The following SH3RF1 variants were observed in gnomAD, a reference collection of about 807,000 sequenced individuals.
The protein encoded by SH3RF1 is SH3 domain containing ring finger 1.
In SH3RF1, 32 loss-of-function variants were observed where a neutral mutation model predicts 74.0. The ratio of observed to expected loss-of-function variants is 0.43; its 90% CI spans 0.33 to 0.58. SH3RF1 has a LOEUF of 0.58. Among genes scored for constraint, SH3RF1 ranks in the 20% least tolerant of loss-of-function variants. The pLI, the probability that SH3RF1 is intolerant of heterozygous loss-of-function variation, is 0.05. For synonymous variants in SH3RF1, 396 were observed against 439.6 expected (o/e 0.90, Z 1.24); for missense variants, 954 against 1,130.9 (o/e 0.84, Z 2.24).
intron 2 of SH3RF1, among the ~76,000 whole-genome samples, chr4:169,253,997 T>G (rs1731145654): frequency 6.6e-6 from 1 of 152,246 alleles, no homozygotes. Flanking sequence ...TCAAGGGCCA[T>G]TCTCAAGAGA....
chr4:169,192,393 C>T lies in SH3RF1; in HGVS notation c.394-35714G>A, dbSNP rs1409425614. Among the ~76,000 whole-genome samples, 3 of 151,920 alleles carry T rather than the reference C, an allele frequency of 2.0e-5. No homozygotes were observed. The East Asian group carries it at 5.8e-4, about 29-fold the overall frequency. ...ACAAACATATGAAAAAAATGCTGAA[C>T]ATCACTAATGATCAGGGAAATGCAA... On this transcript the variant is annotated intron_variant, in intron 2 of 11. Coordinates refer to ENST00000284637, the MANE Select transcript of SH3RF1 (RefSeq NM_020870.4).
At chr4:169,135,252 C>T (rs1464681772) in intron 5 of SH3RF1, among the ~76,000 whole-genome samples, 1 of 152,136 alleles carries the variant, frequency 6.6e-6, no homozygotes, top group African/African-American at 2.4e-5. Context: ...CATTTTCATT[C>T]TGTGGTCCAA....
intron 2 of SH3RF1, among the ~76,000 whole-genome samples, chr4:169,191,251 C>A (rs1734702112): frequency 6.6e-6 from 1 of 150,812 alleles, no homozygotes; most frequent in Non-Finnish European, 1.5e-5. Context: ...CCAACAGCGA[C>A]CCAGCTGATA....
At chr4:169,117,387 G>T in intron 9 of SH3RF1, 136 bp downstream of exon 9, 2 of 1,255,396 alleles carry the variant, frequency 1.6e-6, no homozygotes, top group Non-Finnish European at 2.2e-6. Context: ...GATACAAGGT[G>T]CCACTGAGTA....
rs77454966 is a variant in SH3RF1, at chr4:169,098,388, C to G, written c.2499-1701G>C. Among the ~76,000 whole-genome samples, 1,222 of 152,316 alleles carry G rather than the reference C, an allele frequency of 8.0e-3. 10 individuals carry two copies. The highest frequency in any genetic ancestry group is 0.024 in the Middle Eastern group (7 of 294). The stretch of plus-strand genomic sequence containing the variant: ...GATAGGCAGAACAAATTCTATACAA[C>G]TGTCCCCAAACTTCTGAAACCTATT... On this transcript the variant is annotated intron_variant, in intron 11 of 11. Transcript: ENST00000284637.
chr4:169,247,031 G>A (rs1731005261), intron 2 of SH3RF1, among the ~76,000 whole-genome samples: 1 of 152,186 alleles, frequency 6.6e-6, no homozygotes. Flanking sequence ...TCCACTGATT[G>A]TTCTACCATA....
intron 4 of SH3RF1, among the ~76,000 whole-genome samples, chr4:169,145,836 TG>T (rs1733870454): frequency 7.5e-6 from 1 of 132,514 alleles, no homozygotes; most frequent in African/African-American, 3.0e-5. Flanking sequence ...ATATAAAATA[TG>T]TATTCTATAT....
intron 2 of SH3RF1, among the ~76,000 whole-genome samples, chr4:169,211,147 A>G (rs2126995902): frequency 6.6e-6 from 1 of 152,306 alleles, no homozygotes; most frequent in South Asian, 2.1e-4. Context: ...ACCTTTGGTG[A>G]GCAGGATTTA....
chr4:169,100,493 C>T (rs1020611435), intron 11 of SH3RF1, among the ~76,000 whole-genome samples: 2 of 152,146 alleles, frequency 1.3e-5, no homozygotes, highest in Admixed American at 1.3e-4. Flanking sequence ...AGGTGTGTGC[C>T]ATCATGCCCG....
At chr4:169,151,448 T>C (rs1461590708) in intron 4 of SH3RF1, among the ~76,000 whole-genome samples, 1 of 152,118 alleles carries the variant, frequency 6.6e-6, no homozygotes, top group African/African-American at 2.4e-5. Flanking sequence ...CTTAGATAAT[T>C]AGTAGTAGAG....
chr4:169,097,005 G>A lies in SH3RF1; in HGVS notation c.2499-318C>T, dbSNP rs116604760. On this transcript the variant is annotated intron_variant, in intron 11 of 11. Coordinates refer to ENST00000284637, the MANE Select transcript of SH3RF1 (RefSeq NM_020870.4). ...AAAGGAGAGTTTCATTTCATTTCCCGAGAGGGGTATCATTTCTATCCCTCC... is the reference window on the plus strand; with the variant it reads ...AAAGGAGAGTTTCATTTCATTTCCCAAGAGGGGTATCATTTCTATCCCTCC... 9.3e-3 allele frequency among the ~76,000 whole-genome samples: 1,410 copies of A among 152,210 alleles called. 30 individuals are homozygous for A. Among genetic ancestry groups the A allele is most frequent in the African/African-American group, 0.032 (1,349 of 41,528 alleles).
At chr4:169,134,175 A>T (rs1733661628) in intron 5 of SH3RF1, among the ~76,000 whole-genome samples, 1 of 152,094 alleles carries the variant, frequency 6.6e-6, no homozygotes, top group African/African-American at 2.4e-5. Flanking sequence ...CTGAGGCAAC[A>T]CTCTGCCACT....
chr4:169,135,197 G>GAACAAAC (rs1733681840), intron 5 of SH3RF1, among the ~76,000 whole-genome samples: 1 of 99,362 alleles, frequency 1.0e-5, no homozygotes, highest in Non-Finnish European at 2.4e-5. Flanking sequence ...AAACAAACAT[G>GAACAAAC]AGGCTGAGAA....
chr4:169,235,282 G>T (rs1236011499), intron 2 of SH3RF1, among the ~76,000 whole-genome samples: 1 of 152,084 alleles, frequency 6.6e-6, no homozygotes, highest in Non-Finnish European at 1.5e-5. Flanking sequence ...CGTCATCAAA[G>T]TATTTTGTTT....
intron 2 of SH3RF1, among the ~76,000 whole-genome samples, chr4:169,211,930 A>T (rs1051390028): frequency 1.3e-5 from 2 of 151,786 alleles, no homozygotes; most frequent in Admixed American, 1.3e-4. Flanking sequence ...TCACTGTTAC[A>T]TGTTTTTTCC....
chr4:169,260,969 T>C (rs1046673382), intron 2 of SH3RF1, among the ~76,000 whole-genome samples: 1 of 152,142 alleles, frequency 6.6e-6, no homozygotes, highest in Non-Finnish European at 1.5e-5. Context: ...CCTAGAGAGG[T>C]TGGTACTCCA....
In SH3RF1 at chr4:169,117,582, ACCT is replaced by A; in HGVS notation, c.1715_1717del (p.Lys572_Val573delinsIle). 6.2e-7 allele frequency: 1 copy of A among 1,614,092 alleles called. No homozygotes were observed. Among genetic ancestry groups the A allele is most frequent in the Non-Finnish European group, 8.5e-7 (1 of 1,180,010 alleles). ...CATTTGCCCCGTCATGTGCAACAAG[ACCT>A]TAGCCTGAGGACTTGTCTGGATGTG... On this transcript the variant is annotated inframe_deletion, in exon 9 of 12. Coordinates refer to ENST00000284637, the MANE Select transcript of SH3RF1 (RefSeq NM_020870.4).
At chr4:169,120,097 T>G (rs1305635801) in intron 8 of SH3RF1, among the ~76,000 whole-genome samples, 1 of 152,224 alleles carries the variant, frequency 6.6e-6, no homozygotes, top group Non-Finnish European at 1.5e-5. Flanking sequence ...TGTTTCACTC[T>G]TAGCCTCTAT....
At chr4:169,255,689 C>CCCAT (rs760090960) in intron 2 of SH3RF1, among the ~76,000 whole-genome samples, 1 of 150,088 alleles carries the variant, frequency 6.7e-6, no homozygotes, top group Non-Finnish European at 1.5e-5. Context: ...AACTGACCCA[C>CCCAT]CCATCCATCC....
Sources: allele counts gnomAD v4.1 joint callset (sites outside exome capture counted in the v4.1 genomes callset), GRCh38; gene constraint gnomAD v4.1.1; transcripts MANE v1.5; gene names NCBI Gene and HGNC (gene_info 2026-07-23, HGNC 2026-07-21).